The following COL22A1 variants were observed in gnomAD, a reference collection of about 807,000 sequenced individuals.
The protein encoded by COL22A1 is collagen type XXII alpha 1 chain.
In COL22A1, 221 loss-of-function variants were observed where a neutral mutation model predicts 248.9. The observed-to-expected ratio is 0.89, with a 90% CI of 0.80 to 0.99. COL22A1 has a LOEUF of 0.99. Ranked by LOEUF, COL22A1 falls within the 50% of genes least tolerant of loss-of-function variation. COL22A1 has a pLI of 0.00. For synonymous variants in COL22A1, 891 were observed against 793.4 expected (o/e 1.12, Z -2.07); for missense variants, 2,240 against 2,179.0 (o/e 1.03, Z -0.56).
chr8:138,910,487 C>CCCACTT (rs1450386792), intron 1 of COL22A1, among the ~76,000 whole-genome samples: 1 of 152,168 alleles, frequency 6.6e-6, no homozygotes, highest in African/African-American at 2.4e-5. Context: ...GCAAGTCATT[C>CCCACTT]CCACTTCCCA....
intron 5 of COL22A1, chr8:138,827,277 A>G (rs1040654844): frequency 6.2e-6 from 1 of 162,486 alleles, no homozygotes; most frequent in African/African-American, 2.4e-5. Context: ...AGGTGATGGT[A>G]ACAGCAGATG....
intron 32 of COL22A1, among the ~76,000 whole-genome samples, chr8:138,699,105 T>C (rs146041787): frequency 5.8e-4 from 89 of 152,250 alleles, no homozygotes; most frequent in Non-Finnish European, 9.6e-4. Flanking sequence ...CTTCTCTCCC[T>C]TCAGGAAAGG....
In COL22A1 at chr8:138,852,021, G is replaced by A. The variant is rs554601631; in HGVS notation, c.659-7863C>T. Among the ~76,000 whole-genome samples the A allele has an allele frequency of 5.9e-5, 9 of 152,202 alleles. 1 individual carries two copies. In the South Asian group the frequency reaches 1.7e-3, roughly 28 times the overall value. On this transcript the variant is annotated intron_variant, in intron 3 of 64. Transcript: ENST00000303045. ...GGATGTCTCTACTTGGGGAAGGGGG[G>A]ATTGGAGGCAACTACAGGAAGGCAG...
intron 10 of COL22A1, among the ~76,000 whole-genome samples, chr8:138,803,523 A>C (rs1817182284): frequency 6.6e-6 from 1 of 151,720 alleles, no homozygotes; most frequent in African/African-American, 2.4e-5. Flanking sequence ...AAGTATAATA[A>C]AAAAATAAAA....
chr8:138,606,448 T>C lies in COL22A1; in HGVS notation c.4037A>G (p.Gln1346Arg). The change falls in exon 58 of 65, where the codon CAG becomes CGG. Residue 1346 changes from glutamine to arginine, a missense_variant. Physicochemically the swap from Gln to Arg is conservative, Grantham distance 43. Transcript: ENST00000303045. ...GEPGPSGTPG[Q>R]KGSKGENGSP... ...GCCATTTTCCCCTTTGCTTCCTTTC[T>C]GGCCCTGCAAAGAGAAAACTGAGAA... 1 of 1,613,662 alleles carries C rather than the reference T, an allele frequency of 6.2e-7. No individual in the cohort carries two copies. The highest frequency in any genetic ancestry group is 1.3e-5 in the African/African-American group (1 of 75,046).
At chr8:138,895,730 G>C (rs1825366969) in intron 1 of COL22A1, among the ~76,000 whole-genome samples, 1 of 152,162 alleles carries the variant, frequency 6.6e-6, no homozygotes, top group Non-Finnish European at 1.5e-5. Context: ...AGAAGAAAGA[G>C]TACGGAGCTC....
chr8:138,621,224 A>G (rs753788083), intron 52 of COL22A1, among the ~76,000 whole-genome samples: 24 of 152,192 alleles, frequency 1.6e-4, no homozygotes, highest in Admixed American at 3.9e-4. Context: ...AAGGGTGGAC[A>G]TAGAATGAAG....
rs553361564 is a variant in COL22A1 at position 138,632,012 on chromosome 8, G to A, written c.3610-1264C>T. Among the ~76,000 whole-genome samples the A allele has an allele frequency of 2.6e-5, 4 of 152,262 alleles. No individual in the cohort carries two copies. The South Asian group carries it at 6.2e-4, about 24-fold the overall frequency. On this transcript the variant is annotated intron_variant, in intron 49 of 64. Coordinates refer to ENST00000303045, the MANE Select transcript of COL22A1 (RefSeq NM_152888.3). ...ATGAATTAGAAGTTGAACTGACTGG[G>A]TTATGAAGGCAGCAGTTCTTTAGAC...
intron 23 of COL22A1, among the ~76,000 whole-genome samples, chr8:138,732,080 CTGCAAAT>C (rs1388725082): frequency 2.7e-4 from 41 of 152,192 alleles, no homozygotes; most frequent in African/African-American, 9.9e-4. Context: ...CTATCTTTTT[CTGCAAAT>C]ACTTGAATGG....
rs1820016827 is a variant in COL22A1, at chr8:138,623,728, T to C, written c.3771+4A>G. 2.5e-6 allele frequency: 4 copies of C among 1,611,080 alleles called. No homozygotes were observed. The Admixed American group carries it at 5.1e-5, about 20-fold the overall frequency. The stretch of plus-strand genomic sequence containing the variant: ...GATATAATAGGAAGTTTAGAGTCCT[T>C]TACCGGCTCTCCAGGGGGACCCGGC... On this transcript the variant is annotated splice_donor_region_variant and intron_variant, in intron 52 of 64. Transcript: ENST00000303045.
At chr8:138,867,827 C>T (rs919957794) in intron 3 of COL22A1, among the ~76,000 whole-genome samples, 1 of 152,152 alleles carries the variant, frequency 6.6e-6, no homozygotes, top group Non-Finnish European at 1.5e-5. Flanking sequence ...AGTTCAGTGG[C>T]ACGATCTCGG....
rs531760354 is a variant in COL22A1, at chr8:138,634,686, G to T, written c.3609+324C>A. 4.6e-5 allele frequency among the ~76,000 whole-genome samples: 7 copies of T among 152,156 alleles called. No individual in the cohort carries two copies. In the East Asian group the frequency reaches 7.7e-4, roughly 17 times the overall value. On this transcript the variant is annotated intron_variant, in intron 49 of 64. Coordinates refer to ENST00000303045, the MANE Select transcript of COL22A1 (RefSeq NM_152888.3). ...CAATTTCTCATTTTCTACCTTCTTT[G>T]CTTGCCATCATAATCTTGAAATACT...
intron 22 of COL22A1, 74 bp from the exon 23 acceptor site, chr8:138,737,651 G>T: frequency 1.0e-6 from 1 of 994,966 alleles, no homozygotes; most frequent in Non-Finnish European, 1.6e-6. Context: ...AATGAGTCTC[G>T]GTGGACATTT....
intron 22 of COL22A1, among the ~76,000 whole-genome samples, chr8:138,744,481 C>A (rs916414398): frequency 8.1e-5 from 12 of 148,650 alleles, no homozygotes; most frequent in East Asian, 2.0e-4. Flanking sequence ...CACACACACA[C>A]CACACACACA....
At chr8:138,812,898 A>AC (rs760817739) in intron 8 of COL22A1, 41 bp downstream of exon 8, 4 of 1,457,074 alleles carry the variant, frequency 2.7e-6, no homozygotes, top group Non-Finnish European at 2.9e-6. Context: ...GAGGCCACAC[A>AC]CCCATTTCCT....
intron 1 of COL22A1, among the ~76,000 whole-genome samples, chr8:138,890,598 TC>T (rs1359394617): frequency 6.6e-6 from 1 of 152,034 alleles, no homozygotes; most frequent in Non-Finnish European, 1.5e-5. Flanking sequence ...CAGGCACATA[TC>T]ACCATGTCCA....
chr8:138,690,013 T>C (rs1826700373), intron 36 of COL22A1, among the ~76,000 whole-genome samples: 1 of 152,216 alleles, frequency 6.6e-6, no homozygotes, highest in African/African-American at 2.4e-5. Context: ...GCAGGGTTGC[T>C]GTGTGGATTA....
intron 60 of COL22A1, among the ~76,000 whole-genome samples, chr8:138,601,417 T>C (rs1316321840): frequency 6.6e-6 from 1 of 151,902 alleles, no homozygotes; most frequent in African/African-American, 2.4e-5. Flanking sequence ...TTCAGGACCA[T>C]GGAAAACAAG....
chr8:138,854,133 C>T (rs991463914), intron 3 of COL22A1, among the ~76,000 whole-genome samples: 2 of 152,178 alleles, frequency 1.3e-5, no homozygotes, highest in Admixed American at 1.3e-4. Flanking sequence ...ACAGTGTGTG[C>T]CAGGACAGAG....
Sources: gnomAD v4.1 joint callset for allele counts (sites outside exome capture counted in the v4.1 genomes callset) on GRCh38, gnomAD v4.1.1 for gene constraint, MANE v1.5 for transcripts, NCBI Gene and HGNC (gene_info 2026-07-23, HGNC 2026-07-21) for gene names.